The following SULF1 variants were observed in gnomAD, a reference collection of about 807,000 sequenced individuals.
SULF1 encodes the protein extracellular sulfatase Sulf-1.
A neutral mutation model predicts 110.5 loss-of-function variants in SULF1; 46 were observed. The ratio of observed to expected loss-of-function variants is 0.42; its 90% CI spans 0.33 to 0.53. The LOEUF is 0.53. Ranked by LOEUF, SULF1 falls within the 20% of genes least tolerant of loss-of-function variation. SULF1 has a pLI of 0.12. For missense variants in SULF1, 941 were observed against 1,094.2 expected, an observed-to-expected ratio of 0.86 and a Z score of 1.98; for synonymous variants, 371 against 387.1, an observed-to-expected ratio of 0.96 and a Z score of 0.49.
At chr8:69,607,414 G>T (rs1808308718) in intron 13 of SULF1, among the ~76,000 whole-genome samples, 1 of 152,212 alleles carries the variant, frequency 6.6e-6, no homozygotes, top group African/African-American at 2.4e-5. Flanking sequence ...ACCCAGGCTG[G>T]AGTGCAGTGG....
chr8:69,660,197 T>C lies in SULF1; in HGVS notation c.*1662T>C, dbSNP rs1813017954. ...TTATTTTCATCTTTTTTGGTTTTCTTGGCATGACTAAGAAGCTTAAATGTT... is the reference window on the plus strand; with the variant it reads ...TTATTTTCATCTTTTTTGGTTTTCTCGGCATGACTAAGAAGCTTAAATGTT... On this transcript the variant is annotated 3_prime_UTR_variant, in exon 23 of 23. Transcript: ENST00000402687. 6.6e-6 allele frequency: 1 copy of C among 152,200 alleles called. No individual in the cohort carries two copies. Among genetic ancestry groups the C allele is most frequent in the Non-Finnish European group, 1.5e-5 (1 of 68,032 alleles). 9.4% of individuals were successfully genotyped at this position (152,200 alleles called of 1,614,324 possible).
At chr8:69,555,194 T>C (rs1166853241) in intron 3 of SULF1, among the ~76,000 whole-genome samples, 2 of 152,112 alleles carry the variant, frequency 1.3e-5, no homozygotes, top group African/African-American at 4.8e-5. Context: ...TCTTTTGAAA[T>C]GTGAATGCCT....
intron 3 of SULF1, among the ~76,000 whole-genome samples, chr8:69,506,552 C>T (rs1275492554): frequency 6.6e-6 from 1 of 152,192 alleles, no homozygotes; most frequent in Non-Finnish European, 1.5e-5. Flanking sequence ...TTGTGCCCAT[C>T]AGGCTGTGCC....
chr8:69,484,770 G>A (rs999484580), intron 1 of SULF1, among the ~76,000 whole-genome samples: 2 of 152,088 alleles, frequency 1.3e-5, no homozygotes, highest in African/African-American at 4.8e-5. Context: ...CAAGGACCAT[G>A]GTCTCAGGAA....
intron 6 of SULF1, among the ~76,000 whole-genome samples, chr8:69,579,281 C>T (rs555812457): frequency 2.0e-5 from 3 of 151,586 alleles, no homozygotes; most frequent in African/African-American, 7.3e-5. Flanking sequence ...GGGCCGGGTG[C>T]AGTGGCTCAT....
intron 3 of SULF1, among the ~76,000 whole-genome samples, chr8:69,511,306 AT>A (rs370384302): frequency 1.3e-5 from 2 of 152,082 alleles, no homozygotes; most frequent in Admixed American, 6.6e-5. Context: ...TTTGGTTCAG[AT>A]TTTTTTCTCC....
intron 8 of SULF1, among the ~76,000 whole-genome samples, chr8:69,590,066 A>G (rs1301547900): frequency 1.3e-5 from 2 of 152,240 alleles, no homozygotes; most frequent in Non-Finnish European, 2.9e-5. Context: ...GTTATTAGCC[A>G]AGATTCCAGG....
chr8:69,609,999 T>C (rs575553061), intron 13 of SULF1, among the ~76,000 whole-genome samples: 1 of 152,182 alleles, frequency 6.6e-6, no homozygotes, highest in Non-Finnish European at 1.5e-5. Context: ...AAAGAGAAAT[T>C]CCCTGGGCAT....
At chr8:69,529,345 A>T (rs959836480) in intron 3 of SULF1, among the ~76,000 whole-genome samples, 7 of 152,212 alleles carry the variant, frequency 4.6e-5, no homozygotes, top group Non-Finnish European at 8.8e-5. Flanking sequence ...CTCTATTCTT[A>T]TGAATCATCA....
chr8:69,507,495 C>T, intron 3 of SULF1, among the ~76,000 whole-genome samples: 1 of 152,156 alleles, frequency 6.6e-6, no homozygotes, highest in East Asian at 1.9e-4. Flanking sequence ...AAGAGTGCAT[C>T]ATAATTATAA....
At chr8:69,499,577 C>T (rs759807008) in intron 2 of SULF1, among the ~76,000 whole-genome samples, 2 of 152,146 alleles carry the variant, frequency 1.3e-5, no homozygotes, top group African/African-American at 2.4e-5. Context: ...ACTGTGAGGG[C>T]CAAGTCATCC....
At chr8:69,637,725 CT>C (rs1216231983) in intron 19 of SULF1, 1 of 152,550 alleles carries the variant, frequency 6.6e-6, no homozygotes, top group East Asian at 1.9e-4. Context: ...CTGAGGATCA[CT>C]TGAGCCCAGG....
chr8:69,615,151 C>T (rs914814167), intron 13 of SULF1, among the ~76,000 whole-genome samples: 2 of 152,184 alleles, frequency 1.3e-5, no homozygotes, highest in African/African-American at 4.8e-5. Context: ...GGTGCCTCAC[C>T]TGAGCTCAGG....
At chr8:69,586,570 T>A (rs1347890426) in intron 7 of SULF1, 62 bp downstream of exon 7, 1 of 1,531,342 alleles carries the variant, frequency 6.5e-7, no homozygotes, top group Non-Finnish European at 8.8e-7. Context: ...GAAAAGCCAT[T>A]TTCAGTGAGT....
Position 69,589,050 on chromosome 8 carries a change from G to C in SULF1, c.643G>C (p.Val215Leu), listed in dbSNP as rs751417229. Residue 215 changes from valine (V) to leucine (L), a missense_variant, in exon 8 of 23, where the codon GTT (valine) becomes CTT (leucine). By Grantham distance (32) the Val-to-Leu change is conservative. Transcript: ENST00000402687. Reference sequence around the variant, plus strand: ...TAAGAGAATGTATCCCCATAGGCCCGTTATGATGGTGATCAGCCACGCTGC... The same window carrying C: ...TAAGAGAATGTATCCCCATAGGCCCCTTATGATGGTGATCAGCCACGCTGC... ...MSKRMYPHRPVMMVISHAAPH... is the reference protein window; with the variant it reads ...MSKRMYPHRPLMMVISHAAPH... The C allele has an allele frequency of 5.6e-6, 9 of 1,614,014 alleles. No individual in the cohort carries two copies. In the South Asian group the frequency reaches 8.8e-5, roughly 16 times the overall value.
intron 1 of SULF1, among the ~76,000 whole-genome samples, chr8:69,487,467 C>T (rs1002388754): frequency 1.6e-4 from 24 of 152,180 alleles, no homozygotes; most frequent in African/African-American, 5.3e-4. Flanking sequence ...TCTATAATCA[C>T]GTAACAGCGA....
intron 13 of SULF1, among the ~76,000 whole-genome samples, chr8:69,609,949 T>C (rs1163352125): frequency 2.0e-5 from 3 of 152,200 alleles, no homozygotes; most frequent in Non-Finnish European, 4.4e-5. Context: ...TTCTTCTTCT[T>C]CTAGGCATAG....
chr8:69,621,232 G>C lies in SULF1; in HGVS notation c.1575G>C (p.Leu525Phe). The change falls in exon 14 of 23, where the codon TTG (leucine) becomes TTC (phenylalanine). Residue 525 changes from leucine to phenylalanine, a missense_variant. This residue lies in a region of SULF1 where 822 missense variants were observed against 934.3 expected (regional missense o/e 0.88). Transcript: ENST00000402687. ...AAAGAAAGAGTCAACGGCAATTCTT[G>C]AGAAACCAGGGGACTCCAAGTAAGC... ...RSQRKSQRQF[L>F]RNQGTPKYKP... is the part of the protein sequence containing the mutation. 6.2e-7 allele frequency: 1 copy of C among 1,613,368 alleles called. No homozygotes were observed. The highest frequency in any genetic ancestry group is 8.5e-7 in the Non-Finnish European group (1 of 1,179,548).
chr8:69,574,092 G>A (rs1415653292), intron 5 of SULF1, among the ~76,000 whole-genome samples: 2 of 152,286 alleles, frequency 1.3e-5, no homozygotes, highest in East Asian at 1.9e-4. Context: ...CATTGCAACT[G>A]CAACGCCTCT....
Sources: allele counts gnomAD v4.1 joint callset (sites outside exome capture counted in the v4.1 genomes callset), GRCh38; gene constraint gnomAD v4.1.1; regional missense constraint gnomAD v4.1.1; transcripts MANE v1.5; gene names NCBI Gene and HGNC (gene_info 2026-07-23, HGNC 2026-07-21).